Variants in GPHN observed in about 807,000 individuals in gnomAD.
The protein encoded by GPHN is gephyrin.
A neutral mutation model predicts 95.5 loss-of-function variants in GPHN; 17 were observed. That is an observed-to-expected ratio of 0.18 (90% CI 0.12 to 0.27). The LOEUF (loss-of-function observed/expected upper bound fraction) is 0.27. Among genes scored for constraint, GPHN ranks in the 10% least tolerant of loss-of-function variants. GPHN has a pLI of 1.00. For synonymous variants in GPHN, 320 were observed against 322.5 expected (o/e 0.99, Z 0.08); for missense variants, 660 against 978.1 (o/e 0.67, Z 4.34).
the GPHN span, among the ~76,000 whole-genome samples, chr14:67,547,774 T>C: frequency 6.6e-6 from 1 of 152,112 alleles, no homozygotes; most frequent in African/African-American, 2.4e-5. Context: ...CCTGACTCCC[T>C]CGTACAAAAT....
At chr14:66,806,958 A>G (rs1188751329) in intron 3 of GPHN, among the ~76,000 whole-genome samples, 3 of 152,226 alleles carry the variant, frequency 2.0e-5, no homozygotes, top group Middle Eastern at 6.8e-3. Flanking sequence ...ACTGGTACCA[A>G]TTTACTGAAT....
chr14:66,874,238 A>C (rs1221762827), intron 4 of GPHN, among the ~76,000 whole-genome samples: 1 of 152,150 alleles, frequency 6.6e-6, no homozygotes, highest in Admixed American at 6.6e-5. Context: ...CCACACAGAA[A>C]CCCCATCCAA....
chr14:66,586,426 C>G (rs2061423168), intron 1 of GPHN, among the ~76,000 whole-genome samples: 1 of 152,154 alleles, frequency 6.6e-6, no homozygotes, highest in Admixed American at 6.5e-5. Flanking sequence ...TTGATCCTGT[C>G]ATTATGATGT....
chr14:67,452,153 G>A, the GPHN span, among the ~76,000 whole-genome samples: 1 of 152,254 alleles, frequency 6.6e-6, no homozygotes, highest in African/African-American at 2.4e-5. Context: ...CCAACATGGT[G>A]AAACCCTGTT....
chr14:67,215,908 T>G, the GPHN span, among the ~76,000 whole-genome samples: 2,260 of 152,304 alleles, frequency 0.015, 46 homozygotes, highest in African/African-American at 0.05. Context: ...TTTCAGCTAC[T>G]TCTTTCCTTG....
the GPHN span, among the ~76,000 whole-genome samples, chr14:67,625,611 C>T: frequency 3.0e-5 from 4 of 132,156 alleles, no homozygotes; most frequent in Admixed American, 8.6e-5. Flanking sequence ...ACCTGGGAGG[C>T]GGAGGTTGTG....
At chr14:67,203,037 G>T in the GPHN span, 16 of 1,555,986 alleles carry the variant, frequency 1.0e-5, no homozygotes, top group South Asian at 1.8e-4. Flanking sequence ...AGGCAAGCAA[G>T]GTTGTCAAAG....
intron 10 of GPHN, among the ~76,000 whole-genome samples, chr14:67,049,613 A>G (rs577691252): frequency 8.1e-5 from 12 of 148,358 alleles, no homozygotes; most frequent in South Asian, 2.2e-4. Context: ...CCTGGGTTCA[A>G]GCAATTCTTC....
At chr14:66,982,729 A>G (rs2070759190) in intron 9 of GPHN, among the ~76,000 whole-genome samples, 1 of 152,156 alleles carries the variant, frequency 6.6e-6, no homozygotes, top group South Asian at 2.1e-4. Flanking sequence ...CAATCCTCAC[A>G]ATTATTTACA....
chr14:66,917,537 CT>C (rs1457634208), intron 6 of GPHN, among the ~76,000 whole-genome samples: 3 of 152,132 alleles, frequency 2.0e-5, no homozygotes, highest in African/African-American at 4.8e-5. Context: ...TATACCCAAA[CT>C]TTTTCACCTT....
intron 19 of GPHN, among the ~76,000 whole-genome samples, chr14:67,163,669 G>C (rs559427805): frequency 6.6e-6 from 1 of 152,240 alleles, no homozygotes; most frequent in Admixed American, 6.5e-5. Context: ...AAAAGGTAAA[G>C]AGTGAGAGAT....
intron 1 of GPHN, among the ~76,000 whole-genome samples, chr14:66,677,571 A>T (rs2066678988): frequency 6.6e-6 from 1 of 151,394 alleles, no homozygotes; most frequent in African/African-American, 2.4e-5. Context: ...TTTGATTTTC[A>T]TGTATTTGTA....
At chr14:67,642,956 C>A in the GPHN span, among the ~76,000 whole-genome samples, 2 of 152,026 alleles carry the variant, frequency 1.3e-5, no homozygotes, top group East Asian at 1.9e-4. Flanking sequence ...GTGCATGCCA[C>A]CATGCCTGGC....
chr14:67,158,138 C>T (rs933011802), intron 18 of GPHN, among the ~76,000 whole-genome samples: 2 of 151,836 alleles, frequency 1.3e-5, no homozygotes, highest in Non-Finnish European at 2.9e-5. Context: ...GAAACAGTGT[C>T]TCTACTAAAA....
Position 66,939,242 on chromosome 14 carries a change from C to T in GPHN, c.828+14950C>T, listed in dbSNP as rs140582463. Among the ~76,000 whole-genome samples, 49 of 152,248 alleles carry T rather than the reference C, an allele frequency of 3.2e-4. No homozygotes were observed. In the East Asian group the frequency reaches 8.7e-3, roughly 27 times the overall value. ...AAGATTCTATGAACAGAGAAAAAGG[C>T]AGTCCACAGAATGGGAGAAAATATT... is the stretch of plus-strand genomic sequence containing the variant. On this transcript the variant is annotated intron_variant, in intron 8 of 22. Transcript: ENST00000478722.
At chr14:67,353,293 G>A in the GPHN span, among the ~76,000 whole-genome samples, 1 of 152,320 alleles carries the variant, frequency 6.6e-6, no homozygotes, top group African/African-American at 2.4e-5. Context: ...GGTCATCTGG[G>A]ATCTGCCCTC....
the GPHN span, among the ~76,000 whole-genome samples, chr14:67,254,819 T>G: frequency 2.6e-5 from 4 of 152,188 alleles, no homozygotes; most frequent in Non-Finnish European, 5.9e-5. Flanking sequence ...GGAACATAAT[T>G]TTTTCTCTAG....
chr14:67,289,081 C>T, the GPHN span, among the ~76,000 whole-genome samples: 1 of 150,986 alleles, frequency 6.6e-6, no homozygotes, highest in South Asian at 2.1e-4. Flanking sequence ...ATTCTCCTGC[C>T]TCAGCCTCCC....
the GPHN span, among the ~76,000 whole-genome samples, chr14:67,703,560 T>C: frequency 1.3e-5 from 2 of 152,230 alleles, no homozygotes; most frequent in Admixed American, 1.3e-4. Flanking sequence ...CGATCCTACA[T>C]GTTAACTCTG....
Sources: gnomAD v4.1 joint callset for allele counts (sites outside exome capture counted in the v4.1 genomes callset) on GRCh38, gnomAD v4.1.1 for gene constraint, MANE v1.5 for transcripts, NCBI Gene and HGNC (gene_info 2026-07-23, HGNC 2026-07-21) for gene names.